HDAC2: variants seen among roughly 807,000 people sequenced by gnomAD.
HDAC2 encodes the protein YY1-associated factor 1.
Under a neutral mutation model 68.5 loss-of-function variants are expected in HDAC2, and 5 were observed. That is an observed-to-expected ratio of 0.07 (90% CI 0.04 to 0.15). The LOEUF (loss-of-function observed/expected upper bound fraction) is 0.15, where lower values mean the gene tolerates loss of function less well. HDAC2 is among the 10% of genes least tolerant of loss of function. The probability of loss-of-function intolerance (pLI) is 1.00; values close to 1 mark genes in which losing one functional copy is unlikely to be tolerated. For synonymous variants in HDAC2, 182 were observed against 191.3 expected (o/e 0.95, Z 0.40); for missense variants, 291 against 600.8 (o/e 0.48, Z 5.39).
At chr6:113,941,821 T>C (rs546880338) in intron 12 of HDAC2, 56 bp from the exon 13 acceptor site, 76 of 541,178 alleles carry the variant, frequency 1.4e-4, no homozygotes, top group African/African-American at 1.3e-3. Context: ...AAAATGTATA[T>C]ATATTATTTC....
At chr6:113,950,026 C>A (rs1469635119) in intron 6 of HDAC2, among the ~76,000 whole-genome samples, 2 of 152,096 alleles carry the variant, frequency 1.3e-5, no homozygotes, top group African/African-American at 2.4e-5. Context: ...GGTGATCCAC[C>A]CACCTCGGCC....
At position 113,933,871 on chromosome 6, in the gene HDAC2, A is replaced by G. The variant is rs1471759498; in HGVS notation, c.*7187T>C. 1 of 151,788 alleles carries G rather than the reference A, an allele frequency of 6.6e-6. No homozygotes were observed. The highest frequency in any genetic ancestry group is 1.5e-5 in the Non-Finnish European group (1 of 67,954). The allele number at this position is 151,788 out of a possible 1,614,324, so 9.4% of individuals were successfully genotyped here. On this transcript the variant is annotated 3_prime_UTR_variant, in exon 14 of 14. Transcript: ENST00000519065. ...TCTCTTTCTTTTATCCCTTATTCCA[A>G]TCCTGTTATTATTAAGGATTATATT... is the stretch of plus-strand genomic sequence containing the variant.
intron 12 of HDAC2, among the ~76,000 whole-genome samples, 191 bp downstream of exon 12, chr6:113,943,160 T>C (rs1365673887): frequency 3.9e-5 from 6 of 152,088 alleles, no homozygotes; most frequent in African/African-American, 9.7e-5. Context: ...CTAAAGCAAA[T>C]AGGAACAATA....
chr6:113,934,251 A>G lies in HDAC2; in HGVS notation c.*6807T>C, dbSNP rs1775952403. ...TGGGTTAATGACTATCTGGGTTGAT[A>G]CGCATCTCAAGGCCAGAAAGGAATG... On this transcript the variant is annotated 3_prime_UTR_variant, in exon 14 of 14. Transcript: ENST00000519065. The G allele has an allele frequency of 6.6e-6, 1 of 152,230 alleles. No homozygotes were observed. The highest frequency in any genetic ancestry group is 2.4e-5 in the African/African-American group (1 of 41,460). The allele number at this position is 152,230 out of a possible 1,614,324, so 9.4% of individuals were successfully genotyped here. A position where few individuals can be genotyped will look rare whatever the true frequency, so the allele number is the denominator to read the frequency against.
chr6:113,956,440 T>G, intron 4 of HDAC2, 179 bp downstream of exon 4: 1 of 590,694 alleles, frequency 1.7e-6, no homozygotes, highest in Non-Finnish European at 3.0e-6. Context: ...TAAAAAGCGT[T>G]TAAGTCATAA....
At position 113,939,144 on chromosome 6, in the gene HDAC2, C is replaced by T. The variant is rs1461976722; in HGVS notation, c.*1914G>A. The T allele has an allele frequency of 2.0e-5, 3 of 152,262 alleles. No individual in the cohort carries two copies. The highest frequency in any genetic ancestry group is 4.4e-5 in the Non-Finnish European group (3 of 68,082). 9.4% of individuals were successfully genotyped at this position (152,262 alleles called of 1,614,324 possible). On this transcript the variant is annotated 3_prime_UTR_variant, in exon 14 of 14. Transcript: ENST00000519065. ...GTCTTCACTGTTCCATCTCCTCCAT[C>T]CACTACTCCAGGATCTCATAGGTGA...
At chr6:113,956,204 T>C in intron 4 of HDAC2, 53 bp from the exon 5 acceptor site, 2 of 1,459,972 alleles carry the variant, frequency 1.4e-6, no homozygotes, top group East Asian at 2.3e-5. Context: ...AAAAAAGTAG[T>C]AGAATGAGAC....
At chr6:113,957,332 T>A (rs1776579238) in intron 3 of HDAC2, 1 of 152,434 alleles carries the variant, frequency 6.6e-6, no homozygotes, top group Admixed American at 6.5e-5. Context: ...CAGATGTATG[T>A]AACCCTTTCT....
intron 1 of HDAC2, chr6:113,969,610 T>A (rs549309746): frequency 6.6e-6 from 1 of 152,310 alleles, no homozygotes; most frequent in East Asian, 1.9e-4. Flanking sequence ...AAGAGTAACC[T>A]ACTATAAACT....
intron 3 of HDAC2, chr6:113,957,366 T>C (rs1368556142): frequency 1.3e-5 from 2 of 152,252 alleles, no homozygotes; most frequent in Admixed American, 6.5e-5. Flanking sequence ...TGCCCTTGAA[T>C]TGTAACCTCT....
intron 1 of HDAC2, among the ~76,000 whole-genome samples, chr6:113,961,478 A>G (rs1271607309): frequency 6.6e-6 from 1 of 152,208 alleles, no homozygotes; most frequent in East Asian, 1.9e-4. Flanking sequence ...CCACCTTTTT[A>G]ATGCAGGTGC....
chr6:113,933,473 C>T lies in HDAC2; in HGVS notation c.*7585G>A, dbSNP rs1218737931. Reference sequence around the variant, plus strand: ...GATCCTATCCCATCCCATCTTATCCCATCTCCTTCTGTCCTCTTCAATCCT... The same window carrying T: ...GATCCTATCCCATCCCATCTTATCCTATCTCCTTCTGTCCTCTTCAATCCT... On this transcript the variant is annotated 3_prime_UTR_variant, in exon 14 of 14. Transcript: ENST00000519065. 6.6e-6 allele frequency: 1 copy of T among 152,124 alleles called. No homozygotes were observed. Among genetic ancestry groups the T allele is most frequent in the East Asian group, 1.9e-4 (1 of 5,188 alleles). 9.4% of individuals were successfully genotyped at this position (152,124 alleles called of 1,614,324 possible). A position where few individuals can be genotyped will look rare whatever the true frequency, so the allele number is the denominator to read the frequency against.
At chr6:113,955,701 G>A (rs1222281572) in intron 5 of HDAC2, among the ~76,000 whole-genome samples, 1 of 151,742 alleles carries the variant, frequency 6.6e-6, no homozygotes, top group Non-Finnish European at 1.5e-5. Flanking sequence ...TGTAGAGATG[G>A]GGTTTTGCCA....
chr6:113,943,575 A>C, intron 11 of HDAC2, 69 bp from the exon 12 acceptor site: 9 of 1,222,668 alleles, frequency 7.4e-6, no homozygotes, highest in South Asian at 1.5e-5. Context: ...CAGCATACTC[A>C]TACAAATGCA....
Position 113,936,426 on chromosome 6 carries a change from C to T in HDAC2, c.*4632G>A, listed in dbSNP as rs1044362715. 6.6e-6 allele frequency: 1 copy of T among 152,092 alleles called. No individual in the cohort carries two copies. The highest frequency in any genetic ancestry group is 1.5e-5 in the Non-Finnish European group (1 of 68,016). The allele number at this position is 152,092 out of a possible 1,614,324, so 9.4% of individuals were successfully genotyped here. ...ATGATAGTTCTATTTTTTCTGTAATCTACTTAATGCCATTTTTCTTGAGAT... is the reference window on the plus strand; with the variant it reads ...ATGATAGTTCTATTTTTTCTGTAATTTACTTAATGCCATTTTTCTTGAGAT... On this transcript the variant is annotated 3_prime_UTR_variant, in exon 14 of 14. Coordinates refer to ENST00000519065, the MANE Select transcript of HDAC2 (RefSeq NM_001527.4).
intron 3 of HDAC2, 63 bp from the exon 4 acceptor site, chr6:113,956,756 C>A: frequency 1.7e-6 from 2 of 1,185,038 alleles, no homozygotes; most frequent in Non-Finnish European, 1.3e-6. Flanking sequence ...CCTTTTCTTA[C>A]AAAAACTATT....
chr6:113,937,221 T>C lies in HDAC2; in HGVS notation c.*3837A>G, dbSNP rs148931471. On this transcript the variant is annotated 3_prime_UTR_variant, in exon 14 of 14. Coordinates refer to ENST00000519065, the MANE Select transcript of HDAC2 (RefSeq NM_001527.4). ...AGCCCTTATCATTTATATCACAATA[T>C]GAATAACAAATATTATGAATCGCAG... The C allele has an allele frequency of 1.2e-3, 184 of 152,328 alleles. No homozygotes were observed. The highest frequency in any genetic ancestry group is 4.3e-3 in the African/African-American group (178 of 41,576). The allele number at this position is 152,328 out of a possible 1,614,324, so 9.4% of individuals were successfully genotyped here. A position where few individuals can be genotyped will look rare whatever the true frequency, so the allele number is the denominator to read the frequency against.
chr6:113,960,408 G>A (rs1776655398), intron 1 of HDAC2, among the ~76,000 whole-genome samples: 1 of 151,924 alleles, frequency 6.6e-6, no homozygotes, highest in African/African-American at 2.4e-5. Context: ...AGCAAATACT[G>A]CTTTTTGGAT....
rs189082915 is a variant in HDAC2 at position 113,935,300 on chromosome 6, G to A, written c.*5758C>T. On this transcript the variant is annotated 3_prime_UTR_variant, in exon 14 of 14. Coordinates refer to ENST00000519065, the MANE Select transcript of HDAC2 (RefSeq NM_001527.4). ...TGTCTTTTTAAATCAAACATTATTTGTTGCCAGAAGTGTAATGACTTTTTG... is the reference window on the plus strand; with the variant it reads ...TGTCTTTTTAAATCAAACATTATTTATTGCCAGAAGTGTAATGACTTTTTG... 14 of 152,310 alleles carry A rather than the reference G, an allele frequency of 9.2e-5. No homozygotes were observed. The highest frequency in any genetic ancestry group is 3.9e-4 in the Admixed American group (6 of 15,310). The allele number at this position is 152,310 out of a possible 1,614,324, so 9.4% of individuals were successfully genotyped here. A position where few individuals can be genotyped will look rare whatever the true frequency, so the allele number is the denominator to read the frequency against.
Sources: allele counts gnomAD v4.1 joint callset (sites outside exome capture counted in the v4.1 genomes callset), GRCh38; gene constraint gnomAD v4.1.1; transcripts MANE v1.5; gene names NCBI Gene and HGNC (gene_info 2026-07-23, HGNC 2026-07-21).